The following CYREN variants were observed in gnomAD, a reference collection of about 807,000 sequenced individuals.
CYREN encodes the protein cell cycle regulator of non-homologous end joining.
In CYREN, 7 loss-of-function variants were observed where a neutral mutation model predicts 9.7. That is an observed-to-expected ratio of 0.72 (90% CI 0.41 to 1.36). The LOEUF is 1.36. CYREN is among the 40% of genes most tolerant of loss of function. CYREN has a pLI of 0.01. For synonymous variants in CYREN, 76 were observed against 77.9 expected (o/e 0.98, Z 0.13); for missense variants, 215 against 198.1 (o/e 1.09, Z -0.51).
chr7:135,101,834 A>G lies in CYREN; in HGVS notation n.357-7252T>C, dbSNP rs192806356. Among the ~76,000 whole-genome samples the G allele has an allele frequency of 2.3e-3, 344 of 152,266 alleles. 1 individual carries two copies. The highest frequency in any genetic ancestry group is 7.6e-3 in the African/African-American group (315 of 41,548). On this transcript the variant is annotated intron_variant and non_coding_transcript_variant, in intron 2 of 2. Transcript: ENST00000459937. ...AATCTCATCTTCAATTATAGCTCCC[A>G]TAATTCCCACATGTTGTGGGAGGGA...
intron 2 of CYREN, among the ~76,000 whole-genome samples, chr7:135,153,462 A>G (rs533732785): frequency 1.2e-4 from 18 of 151,786 alleles, no homozygotes; most frequent in African/African-American, 4.3e-4. Flanking sequence ...TCCACAAAAA[A>G]AAAAAAAAAA....
chr7:135,168,807 G>A lies in CYREN; in HGVS notation c.116C>T (p.Ala39Val). ...MKAPKRMRMAAVPVAAARLPA... is the reference protein window; with the variant it reads ...MKAPKRMRMAVVPVAAARLPA... ...GCACCTTGCTGCTGCCACTGGCACT[G>A]CTGCCATTCTCATCCTCTTGGGGGC... Residue 39 changes from alanine (A) to valine (V), a missense_variant, in exon 2 of 4, where the codon GCA becomes GTA. By Grantham distance (64) the Ala-to-Val change is moderately conservative. Transcript: ENST00000393114. 6.2e-7 allele frequency: 1 copy of A among 1,614,026 alleles called. No individual in the cohort carries two copies. Among genetic ancestry groups the A allele is most frequent in the Non-Finnish European group, 8.5e-7 (1 of 1,179,976 alleles).
At chr7:135,129,149 TCTC>T in intron 2 of CYREN, 2 of 1,482,656 alleles carry the variant, frequency 1.3e-6, no homozygotes, top group Non-Finnish European at 9.4e-7. Flanking sequence ...ATGACTGCCT[TCTC>T]CTCCAGTCCA....
At chr7:135,115,839 T>G in intron 2 of CYREN, 3 of 449,500 alleles carry the variant, frequency 6.7e-6, no homozygotes, top group Non-Finnish European at 1.2e-5. Flanking sequence ...AAACTACTCA[T>G]TAATTTAGAT....
Position 135,165,973 on chromosome 7 carries a change from G to A in CYREN, c.*638C>T, listed in dbSNP as rs6585. 72,173 of 160,182 alleles carry A rather than the reference G, an allele frequency of 0.45. 16,898 individuals carry two copies. Among genetic ancestry groups the A allele is most frequent in the East Asian group, 0.75 (3,874 of 5,162 alleles). The allele number at this position is 160,182 out of a possible 1,614,324, so 9.9% of individuals were successfully genotyped here. A position where few individuals can be genotyped will look rare whatever the true frequency, so the allele number is the denominator to read the frequency against. ...TCTTGCTTTATAGCTAGCTGCCCGG[G>A]GACCAAGGTACAGGTGAAAGCAAGG... On this transcript the variant is annotated 3_prime_UTR_variant, in exon 4 of 4. Transcript: ENST00000393114.
At chr7:135,107,559 A>G (rs895328421) in intron 2 of CYREN, among the ~76,000 whole-genome samples, 1 of 152,006 alleles carries the variant, frequency 6.6e-6, no homozygotes, top group South Asian at 2.1e-4. Context: ...TTCTATTTTT[A>G]TTGTGCTGTG....
chr7:135,115,863 A>G (rs1329889583), intron 2 of CYREN: 1 of 378,156 alleles, frequency 2.6e-6, no homozygotes, highest in East Asian at 4.5e-5. Flanking sequence ...TTAATAAAGT[A>G]GGCATAAATA....
At chr7:135,122,619 G>A (rs576844906) in intron 2 of CYREN, among the ~76,000 whole-genome samples, 5 of 152,268 alleles carry the variant, frequency 3.3e-5, no homozygotes, top group African/African-American at 9.6e-5. Context: ...TACCCTATAC[G>A]TGAGCAATAC....
chr7:135,104,148 A>G (rs1026428277), intron 2 of CYREN, among the ~76,000 whole-genome samples: 4 of 151,980 alleles, frequency 2.6e-5, no homozygotes, highest in South Asian at 2.1e-4. Context: ...GCTCCCACTT[A>G]TAAGTGACAA....
At chr7:135,168,288 A>ACCCCCC (rs1356091897) in intron 2 of CYREN, 4 of 6,238 alleles carry the variant, frequency 6.4e-4, no homozygotes, top group Non-Finnish European at 4.5e-4. Flanking sequence ...CTGGAGACTC[A>ACCCCCC]CCACCCCCCC....
At chr7:135,094,304 G>A (rs746436780) in exon 3 of CYREN, 1 of 449,568 alleles carries the variant, frequency 2.2e-6, no homozygotes, top group Non-Finnish European at 4.5e-6. Flanking sequence ...GAGAACTGAG[G>A]CTGACAAGTA....
rs954890077 is a variant in CYREN at position 135,168,995 on chromosome 7, C to A, written c.-73G>T. 8 of 1,395,430 alleles carry A rather than the reference C, an allele frequency of 5.7e-6. No homozygotes were observed. Among genetic ancestry groups the A allele is most frequent in the East Asian group, 2.5e-5 (1 of 40,084 alleles). 86.4% of individuals were successfully genotyped at this position (1,395,430 alleles called of 1,614,324 possible). A position where few individuals can be genotyped will look rare whatever the true frequency, so the allele number is the denominator to read the frequency against. On this transcript the variant is annotated 5_prime_UTR_variant, in exon 2 of 4. Coordinates refer to ENST00000393114, the MANE Select transcript of CYREN (RefSeq NM_024033.4). ...TGTTTTTTAATTCAGGAAGGTAAAT[C>A]TCGTTCTCTCGTCACACCCGGAATT...
chr7:135,134,908 C>T, intron 2 of CYREN: 1 of 1,551,048 alleles, frequency 6.4e-7, no homozygotes, highest in South Asian at 1.2e-5. Flanking sequence ...CAGAAATCAC[C>T]CTTTTGTAAT....
In CYREN at chr7:135,166,544, A is replaced by G; in HGVS notation, c.*67T>C. 6.6e-7 allele frequency: 1 copy of G among 1,515,898 alleles called. No individual in the cohort carries two copies. Among genetic ancestry groups the G allele is most frequent in the East Asian group, 2.3e-5 (1 of 44,018 alleles). The allele number at this position is 1,515,898 out of a possible 1,614,324, so 93.9% of individuals were successfully genotyped here. Reference sequence around the variant, plus strand: ...CATTCCCACAGGCGGGCGGCCCAGCAGCACCAGTGGAAGCTCAGCTGTCCT... The same window carrying G: ...CATTCCCACAGGCGGGCGGCCCAGCGGCACCAGTGGAAGCTCAGCTGTCCT... On this transcript the variant is annotated 3_prime_UTR_variant, in exon 4 of 4. Transcript: ENST00000393114.
At chr7:135,157,151 T>C (rs571100371) in intron 2 of CYREN, among the ~76,000 whole-genome samples, 16 of 152,200 alleles carry the variant, frequency 1.1e-4, no homozygotes, top group African/African-American at 3.9e-4. Flanking sequence ...TGCTTTTACA[T>C]GTTTCCTGTA....
chr7:135,118,885 G>A (rs1278465860), intron 2 of CYREN, among the ~76,000 whole-genome samples: 1 of 152,074 alleles, frequency 6.6e-6, no homozygotes, highest in African/African-American at 2.4e-5. Flanking sequence ...AAAGCTTAAT[G>A]GCTGAGCAGA....
In CYREN at chr7:135,166,762, C is replaced by T; in HGVS notation, c.323G>A (p.Ser108Asn). 6.2e-7 allele frequency: 1 copy of T among 1,614,152 alleles called. No homozygotes were observed. Among genetic ancestry groups the T allele is most frequent in the Non-Finnish European group, 8.5e-7 (1 of 1,180,038 alleles). The part of the protein sequence containing the change: ...VSPHTSSGSS[S>N]EEEDSGKQAL... ...CTGTTTCCCACTGTCCTCTTCCTCA[C>T]TGCTGCTCCCAGAACTTGTGTGAGG... Residue 108 changes from serine to asparagine, a missense_variant, in exon 4 of 4, where the codon AGT becomes AAT. Transcript: ENST00000393114.
At chr7:135,104,626 T>C (rs1166170111) in intron 2 of CYREN, among the ~76,000 whole-genome samples, 1 of 152,232 alleles carries the variant, frequency 6.6e-6, no homozygotes, top group Admixed American at 6.5e-5. Flanking sequence ...TCATTCTGAC[T>C]GCTGTGAGAT....
chr7:135,128,969 C>T (rs1828343375), intron 2 of CYREN: 2 of 1,585,788 alleles, frequency 1.3e-6, no homozygotes, highest in African/African-American at 2.7e-5. Flanking sequence ...AATGCATGTA[C>T]TTCTTGGAGT....
Sources: gnomAD v4.1 joint callset for allele counts (sites outside exome capture counted in the v4.1 genomes callset) on GRCh38, gnomAD v4.1.1 for gene constraint, MANE v1.5 for transcripts, NCBI Gene and HGNC (gene_info 2026-07-23, HGNC 2026-07-21) for gene names.